Variants in EYA3 observed in about 807,000 individuals in gnomAD.
EYA3 encodes protein phosphatase EYA3.
In EYA3, 39 loss-of-function variants were observed where a neutral mutation model predicts 80.0. That is an observed-to-expected ratio of 0.49 (90% CI 0.38 to 0.64). The LOEUF (loss-of-function observed/expected upper bound fraction) is 0.64, where lower values mean the gene tolerates loss of function less well. Ranked by LOEUF, EYA3 falls within the 30% of genes least tolerant of loss-of-function variation. The pLI is 0.00. For missense variants in EYA3, 523 were observed against 676.1 expected, an observed-to-expected ratio of 0.77 and a Z score of 2.51; for synonymous variants, 206 against 232.8, an observed-to-expected ratio of 0.88 and a Z score of 1.05.
intron 1 of EYA3, among the ~76,000 whole-genome samples, chr1:28,061,513 C>T (rs1644623133): frequency 6.6e-6 from 1 of 151,502 alleles, no homozygotes; most frequent in African/African-American, 2.4e-5. Context: ...TATTGCAAAA[C>T]TTGGTAATAA....
chr1:28,068,760 A>C (rs1644921034), intron 1 of EYA3, among the ~76,000 whole-genome samples: 1 of 152,146 alleles, frequency 6.6e-6, no homozygotes, highest in African/African-American at 2.4e-5. Context: ...CTTAATTTAA[A>C]ATGTACAGAC....
chr1:28,064,906 T>C (rs1002752043), intron 1 of EYA3, among the ~76,000 whole-genome samples: 3 of 152,234 alleles, frequency 2.0e-5, no homozygotes, highest in African/African-American at 7.2e-5. Context: ...TTAAACAATT[T>C]GTCCAAGAGT....
intron 13 of EYA3, 139 bp downstream of exon 13, chr1:27,997,181 G>A: frequency 1.3e-6 from 1 of 754,828 alleles, no homozygotes; most frequent in Non-Finnish European, 2.3e-6. Flanking sequence ...GGTTAACTAT[G>A]TTTGTTTCTA....
Position 28,013,393 on chromosome 1 carries a change from T to G in EYA3, c.586-99A>C. 9.4e-7 allele frequency: 1 copy of G among 1,059,010 alleles called. No individual in the cohort carries two copies. The highest frequency in any genetic ancestry group is 1.3e-6 in the Non-Finnish European group (1 of 765,790). The allele number at this position is 1,059,010 out of a possible 1,614,324, so 65.6% of individuals were successfully genotyped here. Reference sequence around the variant, plus strand: ...CCCTCTTTCTTATTCATAATTATTTTTCTAAAACATTAATTTGACTTCTCA... The same window carrying G: ...CCCTCTTTCTTATTCATAATTATTTGTCTAAAACATTAATTTGACTTCTCA... On this transcript the variant is annotated intron_variant, in intron 8 of 17. Transcript: ENST00000373871. This position sits in a 1 kb window ranked among gnomAD's most constrained non-coding sequence, Gnocchi z 4.0.
At chr1:28,002,331 G>A (rs1244772711) in intron 11 of EYA3, among the ~76,000 whole-genome samples, 1 of 152,014 alleles carries the variant, frequency 6.6e-6, no homozygotes, top group Non-Finnish European at 1.5e-5. Flanking sequence ...TTACAGGCGT[G>A]AGCCACCATG....
chr1:27,992,453 C>T (rs976036813), intron 14 of EYA3, among the ~76,000 whole-genome samples: 1 of 152,162 alleles, frequency 6.6e-6, no homozygotes, highest in Non-Finnish European at 1.5e-5. Flanking sequence ...CAGTAATACT[C>T]ACTTGCCGGC....
At chr1:28,006,136 A>C (rs982252331) in intron 10 of EYA3, among the ~76,000 whole-genome samples, 1 of 152,000 alleles carries the variant, frequency 6.6e-6, no homozygotes, top group East Asian at 1.9e-4. Context: ...CATCATAACC[A>C]AGTGAGATTA....
chr1:28,078,531 T>C (rs1645304595), intron 1 of EYA3, among the ~76,000 whole-genome samples: 1 of 151,848 alleles, frequency 6.6e-6, no homozygotes, highest in Non-Finnish European at 1.5e-5. Flanking sequence ...TTTTAATATA[T>C]TAACTATTTC....
intron 7 of EYA3, among the ~76,000 whole-genome samples, chr1:28,025,611 C>T (rs997795689): frequency 2.6e-5 from 4 of 152,144 alleles, no homozygotes; most frequent in African/African-American, 9.7e-5. Context: ...ACAGTAAGCA[C>T]TTCATAAATA....
At position 28,027,945 on chromosome 1, in the gene EYA3, A is replaced by G; in HGVS notation, c.362-19T>C. The stretch of plus-strand genomic sequence containing the variant: ...AATGCACCTGAATCAGATAAATTGG[A>G]CCAATTACAAACAATACACTGGGAC... On this transcript the variant is annotated intron_variant, in intron 6 of 17. Transcript: ENST00000373871. 1 of 1,614,052 alleles carries G rather than the reference A, an allele frequency of 6.2e-7. No homozygotes were observed. The highest frequency in any genetic ancestry group is 1.3e-5 in the African/African-American group (1 of 75,056).
intron 11 of EYA3, among the ~76,000 whole-genome samples, chr1:28,004,074 CT>C (rs1641093268): frequency 6.6e-6 from 1 of 152,152 alleles, no homozygotes; most frequent in Admixed American, 6.6e-5. Flanking sequence ...ATACTTTAAT[CT>C]TCACAAAATG....
At chr1:27,985,866 G>A (rs1639623463) in intron 16 of EYA3, among the ~76,000 whole-genome samples, 1 of 152,156 alleles carries the variant, frequency 6.6e-6, no homozygotes, top group African/African-American at 2.4e-5. Context: ...ACAGGTGTGA[G>A]CCACTACACT....
chr1:27,991,238 G>A (rs1301082956), intron 14 of EYA3, among the ~76,000 whole-genome samples: 1 of 152,106 alleles, frequency 6.6e-6, no homozygotes, highest in Admixed American at 6.6e-5. Flanking sequence ...AGATTACACA[G>A]TAAGTTTGCA....
At chr1:27,984,807 C>A (rs765464857) in intron 16 of EYA3, among the ~76,000 whole-genome samples, 7 of 152,126 alleles carry the variant, frequency 4.6e-5, no homozygotes, top group Non-Finnish European at 1.0e-4. Flanking sequence ...AGAGCCACTA[C>A]TTCATTTTTC....
chr1:28,067,697 C>G (rs2148921467), intron 1 of EYA3, among the ~76,000 whole-genome samples: 1 of 152,294 alleles, frequency 6.6e-6, no homozygotes, highest in South Asian at 2.1e-4. Flanking sequence ...TATTTAGACA[C>G]TGTACACAAA....
intron 7 of EYA3, among the ~76,000 whole-genome samples, chr1:28,020,057 A>G (rs1459694298): frequency 6.6e-6 from 1 of 151,736 alleles, no homozygotes. Flanking sequence ...TCTGATCTCT[A>G]TGGGGGAAAA....
intron 4 of EYA3, among the ~76,000 whole-genome samples, chr1:28,040,851 G>T (rs1571872812): frequency 6.8e-6 from 1 of 147,182 alleles, no homozygotes; most frequent in South Asian, 2.1e-4. Context: ...AAGGGCGGAG[G>T]GGCAGGGGGG....
chr1:28,002,437 T>A (rs900983358), intron 11 of EYA3, among the ~76,000 whole-genome samples: 11 of 150,892 alleles, frequency 7.3e-5, no homozygotes, highest in South Asian at 2.1e-4. Context: ...ATAATTTTTT[T>A]AATTTTATAT....
chr1:28,062,236 C>T (rs750230651), intron 1 of EYA3, among the ~76,000 whole-genome samples: 3 of 151,974 alleles, frequency 2.0e-5, no homozygotes, highest in Non-Finnish European at 2.9e-5. Context: ...ATTCATTTGC[C>T]TTCATGGACA....
Sources: allele counts gnomAD v4.1 joint callset (sites outside exome capture counted in the v4.1 genomes callset), GRCh38; gene constraint gnomAD v4.1.1; non-coding constraint Gnocchi (gnomAD v3.1); transcripts MANE v1.5; gene names NCBI Gene and HGNC (gene_info 2026-07-23, HGNC 2026-07-21).